Variants in DPP10 observed in about 807,000 individuals in gnomAD.
DPP10 encodes the protein inactive dipeptidyl peptidase 10.
DPP10 carries 33 observed loss-of-function variants against 120.9 expected under a neutral mutation model. That is an observed-to-expected ratio of 0.27 (90% CI 0.21 to 0.37). DPP10 has a LOEUF of 0.37. DPP10 is among the 10% of genes least tolerant of loss of function. DPP10 has a pLI of 1.00. For missense variants in DPP10, 816 were observed against 942.8 expected, an observed-to-expected ratio of 0.87 and a Z score of 1.76; for synonymous variants, 337 against 326.1, an observed-to-expected ratio of 1.03 and a Z score of -0.36.
rs758209591 is a variant in DPP10 at position 115,095,581 on chromosome 2, T to TTG, written c.61-213657_61-213656insGT. ...ATTCTGCAATTCTGTTTGGTTTTTT[T>TTG]TTTGTTTTTTTTTTTTGATACGGAG... On this transcript the variant is annotated intron_variant, in intron 1 of 25. Transcript: ENST00000410059. Among the ~76,000 whole-genome samples, 29 of 91,080 alleles carry TTG rather than the reference T, an allele frequency of 3.2e-4. No individual in the cohort carries two copies. The East Asian group carries it at 4.9e-3, about 15-fold the overall frequency. The allele number at this position is 91,080 out of a possible 152,430, so 59.8% of individuals were successfully genotyped here. A position where few individuals can be genotyped will look rare whatever the true frequency, so the allele number is the denominator to read the frequency against.
chr2:114,642,716 T>TA lies in DPP10; in HGVS notation c.60+199889dup, dbSNP rs796957702. Among the ~76,000 whole-genome samples the TA allele has an allele frequency of 2.3e-3, 328 of 143,258 alleles. 2 individuals carry two copies. Among genetic ancestry groups the TA allele is most frequent in the South Asian group, 8.4e-3 (38 of 4,530 alleles). 94.0% of individuals were successfully genotyped at this position (143,258 alleles called of 152,430 possible). On this transcript the variant is annotated intron_variant, in intron 1 of 25. Transcript: ENST00000410059. ...CCTTTCAGGAATTCTACACAGCCCA[T>TA]AAAAAAAAAAACTCTATCCCCTCCC...
At chr2:115,234,167 A>T (rs2057881092) in intron 1 of DPP10, among the ~76,000 whole-genome samples, 1 of 152,056 alleles carries the variant, frequency 6.6e-6, no homozygotes, top group Non-Finnish European at 1.5e-5. Flanking sequence ...CTTAGAAATA[A>T]TTTTTGCATT....
chr2:115,082,578 G>T (rs1708362195), intron 1 of DPP10, among the ~76,000 whole-genome samples: 1 of 152,194 alleles, frequency 6.6e-6, no homozygotes, highest in Non-Finnish European at 1.5e-5. Context: ...CAGAAAGGAT[G>T]TTGGATATAA....
chr2:115,576,522 A>G (rs1162499411), intron 5 of DPP10, among the ~76,000 whole-genome samples: 1 of 152,198 alleles, frequency 6.6e-6, no homozygotes, highest in Admixed American at 6.5e-5. Context: ...TAAGTTGAAT[A>G]TTTCATGATA....
intron 1 of DPP10, among the ~76,000 whole-genome samples, chr2:114,838,231 C>A (rs763714326): frequency 2.6e-5 from 4 of 152,204 alleles, no homozygotes; most frequent in Admixed American, 6.5e-5. Context: ...TGGATGGATA[C>A]CTGGTGAGAA....
chr2:114,966,591 T>C (rs1459319455), intron 1 of DPP10, among the ~76,000 whole-genome samples: 1 of 152,154 alleles, frequency 6.6e-6, no homozygotes, highest in Non-Finnish European at 1.5e-5. Context: ...AATAAACATC[T>C]TTTCTTCACA....
chr2:115,121,391 A>G (rs1192106893), intron 1 of DPP10, among the ~76,000 whole-genome samples: 3 of 152,230 alleles, frequency 2.0e-5, no homozygotes, highest in African/African-American at 7.2e-5. Context: ...TCGAACCCAA[A>G]AGAGAAATTT....
At chr2:114,492,476 C>T (rs1682092655) in intron 1 of DPP10, among the ~76,000 whole-genome samples, 1 of 151,882 alleles carries the variant, frequency 6.6e-6, no homozygotes, top group Admixed American at 6.6e-5. Context: ...AAAGTAAGGA[C>T]AAACTAAAAA....
chr2:115,124,254 T>G (rs2049964260), intron 1 of DPP10, among the ~76,000 whole-genome samples: 1 of 152,186 alleles, frequency 6.6e-6, no homozygotes, highest in Non-Finnish European at 1.5e-5. Context: ...ACTATGCCCT[T>G]TTCAAGCTTA....
At chr2:115,384,475 GAAGGAAGAA>G (rs1200530023) in intron 3 of DPP10, among the ~76,000 whole-genome samples, 58 of 145,004 alleles carry the variant, frequency 4.0e-4, no homozygotes, top group East Asian at 8.1e-4. Flanking sequence ...GAAGGAAGAA[GAAGGAAGAA>G]GAAGAAGAAG....
chr2:115,544,331 T>G (rs529596175), intron 5 of DPP10, among the ~76,000 whole-genome samples: 1 of 152,220 alleles, frequency 6.6e-6, no homozygotes, highest in African/African-American at 2.4e-5. Flanking sequence ...ACCTTCAGCA[T>G]ATGTGTCCAT....
chr2:115,519,367 A>G (rs2077673407), intron 4 of DPP10, among the ~76,000 whole-genome samples: 1 of 152,146 alleles, frequency 6.6e-6, no homozygotes, highest in Non-Finnish European at 1.5e-5. Flanking sequence ...CATTTTCTGC[A>G]TTGGGTTGTT....
chr2:115,737,538 C>T (rs6724379), intron 8 of DPP10, among the ~76,000 whole-genome samples: 3,809 of 152,168 alleles, frequency 0.025, 162 homozygotes, highest in African/African-American at 0.086. Flanking sequence ...CCAAAGGCTC[C>T]ACACAGCATC....
intron 1 of DPP10, among the ~76,000 whole-genome samples, chr2:114,847,687 C>G (rs1342016987): frequency 6.6e-6 from 1 of 152,154 alleles, no homozygotes; most frequent in Non-Finnish European, 1.5e-5. Context: ...TTTACTTACA[C>G]AGTATGATTT....
At chr2:114,868,520 CACA>C (rs1690421078) in intron 1 of DPP10, among the ~76,000 whole-genome samples, 1 of 152,108 alleles carries the variant, frequency 6.6e-6, no homozygotes, top group Non-Finnish European at 1.5e-5. Context: ...AAGAGTTTAT[CACA>C]ACAGGAGTCA....
chr2:114,794,884 TTAA>T (rs1419837695), intron 1 of DPP10, among the ~76,000 whole-genome samples: 3 of 152,182 alleles, frequency 2.0e-5, no homozygotes, highest in Non-Finnish European at 4.4e-5. Context: ...ATGAAATGGA[TTAA>T]TAATATGTCA....
intron 1 of DPP10, among the ~76,000 whole-genome samples, chr2:114,821,313 G>T (rs1686068914): frequency 6.6e-6 from 1 of 152,152 alleles, no homozygotes; most frequent in East Asian, 1.9e-4. Context: ...GTGAGGGCAA[G>T]GATAAGAGGA....
intron 1 of DPP10, among the ~76,000 whole-genome samples, chr2:114,911,863 T>A (rs1415812413): frequency 6.6e-6 from 1 of 152,068 alleles, no homozygotes; most frequent in Non-Finnish European, 1.5e-5. Flanking sequence ...AGAGAATGAA[T>A]AGGAGAGGCA....
At chr2:115,433,194 A>G (rs765119197) in intron 3 of DPP10, among the ~76,000 whole-genome samples, 10 of 152,020 alleles carry the variant, frequency 6.6e-5, no homozygotes, top group Non-Finnish European at 1.5e-4. Flanking sequence ...AACAATTTTT[A>G]TAAATGTTTC....
Sources: gnomAD v4.1 joint callset for allele counts (sites outside exome capture counted in the v4.1 genomes callset) on GRCh38, gnomAD v4.1.1 for gene constraint, MANE v1.5 for transcripts, NCBI Gene and HGNC (gene_info 2026-07-23, HGNC 2026-07-21) for gene names.